GRIN3A: variants seen among roughly 807,000 people sequenced by gnomAD.
GRIN3A encodes the protein glutamate ionotropic receptor NMDA type subunit 3A.
A neutral mutation model predicts 92.4 loss-of-function variants in GRIN3A; 47 were observed. That is an observed-to-expected ratio of 0.51 (90% CI 0.40 to 0.65). The LOEUF is 0.65. Ranked by LOEUF, GRIN3A falls within the 30% of genes least tolerant of loss-of-function variation. The pLI, the probability that GRIN3A is intolerant of heterozygous loss-of-function variation, is 0.00. For synonymous variants in GRIN3A, 527 were observed against 540.6 expected, an observed-to-expected ratio of 0.97 and a Z score of 0.35; for missense variants, 1,324 against 1,393.1, an observed-to-expected ratio of 0.95 and a Z score of 0.79.
chr9:101,583,367 A>G (rs1356385793), intron 6 of GRIN3A, among the ~76,000 whole-genome samples: 2 of 152,336 alleles, frequency 1.3e-5, no homozygotes, highest in South Asian at 2.1e-4. Context: ...AAATGTTTCA[A>G]TTGTGTCTGA....
intron 6 of GRIN3A, among the ~76,000 whole-genome samples, chr9:101,610,144 T>C (rs1828341051): frequency 6.6e-6 from 1 of 152,252 alleles, no homozygotes; most frequent in Non-Finnish European, 1.5e-5. Context: ...ATTAACTCAA[T>C]TGACTGGTAT....
At chr9:101,723,060 G>A (rs1396012451) in intron 1 of GRIN3A, among the ~76,000 whole-genome samples, 1 of 152,178 alleles carries the variant, frequency 6.6e-6, no homozygotes, top group Non-Finnish European at 1.5e-5. Context: ...TGTTGTGGGA[G>A]GCACGCAGGG....
chr9:101,660,033 C>A (rs1400254404), intron 3 of GRIN3A, among the ~76,000 whole-genome samples: 1 of 151,652 alleles, frequency 6.6e-6, no homozygotes, highest in African/African-American at 2.4e-5. Context: ...TATACCATTC[C>A]CCCCACCCTG....
intron 5 of GRIN3A, among the ~76,000 whole-genome samples, chr9:101,614,701 C>A (rs1355106672): frequency 7.1e-6 from 1 of 141,558 alleles, no homozygotes; most frequent in African/African-American, 2.7e-5. Context: ...CTCACTGCAA[C>A]CTTGACCTCC....
chr9:101,683,233 C>T (rs1437072295), intron 2 of GRIN3A, among the ~76,000 whole-genome samples: 1 of 152,120 alleles, frequency 6.6e-6, no homozygotes, highest in Non-Finnish European at 1.5e-5. Context: ...ATTTCATTAA[C>T]ATTTTAAGAT....
At chr9:101,734,184 T>C (rs535413299) in intron 1 of GRIN3A, among the ~76,000 whole-genome samples, 1 of 152,266 alleles carries the variant, frequency 6.6e-6, no homozygotes, top group Admixed American at 6.5e-5. Context: ...ACAAAACCTG[T>C]AGAAGAAAAA....
intron 6 of GRIN3A, among the ~76,000 whole-genome samples, chr9:101,610,619 A>ATCTATG (rs1554717175): frequency 0.055 from 8,337 of 150,602 alleles, 315 homozygotes; most frequent in Non-Finnish European, 0.076. Context: ...CTATCTATCT[A>ATCTATG]TCTATCATCT....
At chr9:101,645,813 TA>T (rs1828930725) in intron 3 of GRIN3A, among the ~76,000 whole-genome samples, 1 of 150,940 alleles carries the variant, frequency 6.6e-6, no homozygotes, top group South Asian at 2.1e-4. Context: ...GCATTTCCCT[TA>T]TGATTAGTGA....
In GRIN3A at chr9:101,569,398, A is replaced by T. The variant is rs924539304; in HGVS notation, c.*3776T>A. The T allele has an allele frequency of 2.0e-5, 3 of 152,198 alleles. No homozygotes were observed. The highest frequency in any genetic ancestry group is 4.8e-5 in the African/African-American group (2 of 41,460). The allele number at this position is 152,198 out of a possible 1,614,324, so 9.4% of individuals were successfully genotyped here. ...TATTCCACAGTCATAGAAACTGAAG[A>T]TGGAAAAGACCTGAGGACATCTAAT... On this transcript the variant is annotated 3_prime_UTR_variant, in exon 9 of 9. Transcript: ENST00000361820.
intron 1 of GRIN3A, among the ~76,000 whole-genome samples, chr9:101,703,341 C>T (rs10989597): frequency 1.3e-5 from 2 of 152,190 alleles, no homozygotes; most frequent in South Asian, 2.1e-4. Flanking sequence ...CTGAGTGGAA[C>T]CTTCTTCCTC....
At chr9:101,650,856 G>A (rs963929585) in intron 3 of GRIN3A, among the ~76,000 whole-genome samples, 6 of 152,014 alleles carry the variant, frequency 3.9e-5, no homozygotes, top group African/African-American at 2.4e-5. Flanking sequence ...GTTGGTTCCT[G>A]GGTAAACTGC....
intron 3 of GRIN3A, among the ~76,000 whole-genome samples, chr9:101,648,081 G>A (rs554561055): frequency 1.3e-5 from 2 of 151,404 alleles, no homozygotes; most frequent in South Asian, 4.2e-4. Context: ...TGGAAATCTT[G>A]CTTTTTTGGT....
chr9:101,585,906 T>A (rs187041645), intron 6 of GRIN3A, among the ~76,000 whole-genome samples: 9 of 152,324 alleles, frequency 5.9e-5, no homozygotes, highest in African/African-American at 1.4e-4. Context: ...CTATGAGGCC[T>A]CACAAGATCT....
chr9:101,613,656 T>C, intron 5 of GRIN3A, 129 bp from the exon 6 acceptor site: 2 of 799,328 alleles, frequency 2.5e-6, no homozygotes, highest in Non-Finnish European at 4.3e-6. Context: ...CAACTTTCTT[T>C]CAAAGCACTC....
intron 1 of GRIN3A, among the ~76,000 whole-genome samples, chr9:101,724,896 A>C (rs1830066507): frequency 6.6e-6 from 1 of 152,192 alleles, no homozygotes; most frequent in Non-Finnish European, 1.5e-5. Context: ...AATACAGTAC[A>C]TGTTTGTGGA....
chr9:101,703,265 A>C (rs1829776087), intron 1 of GRIN3A, among the ~76,000 whole-genome samples: 1 of 152,082 alleles, frequency 6.6e-6, no homozygotes, highest in Non-Finnish European at 1.5e-5. Flanking sequence ...TATTCCACCC[A>C]CGTGGTCCCA....
At chr9:101,596,574 C>T (rs1290615047) in intron 6 of GRIN3A, among the ~76,000 whole-genome samples, 2 of 152,138 alleles carry the variant, frequency 1.3e-5, no homozygotes, top group East Asian at 3.9e-4. Flanking sequence ...AATATCCAGG[C>T]CCTGCAGGTG....
intron 6 of GRIN3A, among the ~76,000 whole-genome samples, chr9:101,607,940 G>A (rs1234196467): frequency 6.6e-6 from 1 of 152,202 alleles, no homozygotes; most frequent in African/African-American, 2.4e-5. Context: ...TCAATGAACT[G>A]AAGATTGGTT....
In GRIN3A at chr9:101,628,362, G is replaced by C; in HGVS notation, c.2392C>G (p.Arg798Gly). ...PSQGFRFGTV[R>G]ESSAEDYVRQ... Reference sequence around the variant, plus strand: ...ACATAATCTTCAGCACTGCTTTCTCGGACAGTTCCAAAGCGGAATCCTTGG... The same window carrying C: ...ACATAATCTTCAGCACTGCTTTCTCCGACAGTTCCAAAGCGGAATCCTTGG... Residue 798 changes from arginine (R) to glycine (G), a missense_variant, in exon 4 of 9, where the codon CGA (arginine) becomes GGA (glycine). Coordinates refer to ENST00000361820, the MANE Select transcript of GRIN3A (RefSeq NM_133445.3). 1 of 1,613,744 alleles carries C rather than the reference G, an allele frequency of 6.2e-7. No individual in the cohort carries two copies. The highest frequency in any genetic ancestry group is 8.5e-7 in the Non-Finnish European group (1 of 1,179,838).
Sources: gnomAD v4.1 joint callset for allele counts (sites outside exome capture counted in the v4.1 genomes callset) on GRCh38, gnomAD v4.1.1 for gene constraint, MANE v1.5 for transcripts, NCBI Gene and HGNC (gene_info 2026-07-23, HGNC 2026-07-21) for gene names.